Variants in ZCCHC8 observed in about 807,000 individuals in gnomAD.
ZCCHC8 encodes zinc finger CCHC-type containing 8.
ZCCHC8 carries 27 observed loss-of-function variants against 70.6 expected under a neutral mutation model. That is an observed-to-expected ratio of 0.38 (90% CI 0.28 to 0.53). ZCCHC8 has a LOEUF of 0.53. ZCCHC8 is among the 20% of genes least tolerant of loss of function. The probability of loss-of-function intolerance (pLI) is 0.81; values close to 1 mark genes in which losing one functional copy is unlikely to be tolerated. For synonymous variants in ZCCHC8, 293 were observed against 317.4 expected, an observed-to-expected ratio of 0.92 and a Z score of 0.82; for missense variants, 737 against 876.9, an observed-to-expected ratio of 0.84 and a Z score of 2.01.
At chr12:122,482,486 C>T in intron 8 of ZCCHC8, 149 bp downstream of exon 8, 1 of 502,036 alleles carries the variant, frequency 2.0e-6, no homozygotes, top group South Asian at 5.4e-5. Flanking sequence ...AATATGAACA[C>T]AAATTTGAAA....
intron 13 of ZCCHC8, among the ~76,000 whole-genome samples, chr12:122,474,908 T>C (rs959806849): frequency 6.6e-6 from 1 of 152,052 alleles, no homozygotes; most frequent in African/African-American, 2.4e-5. Flanking sequence ...CAAATTTTTG[T>C]ATTTTTAGTA....
intron 11 of ZCCHC8, among the ~76,000 whole-genome samples, chr12:122,479,885 G>A (rs1957496585): frequency 6.6e-6 from 1 of 152,166 alleles, no homozygotes; most frequent in African/African-American, 2.4e-5. Context: ...ACAGGGTCTA[G>A]TGTGATCTCA....
chr12:122,485,670 T>C (rs543484157), intron 5 of ZCCHC8, among the ~76,000 whole-genome samples: 18 of 148,780 alleles, frequency 1.2e-4, no homozygotes, highest in Non-Finnish European at 2.1e-4. Context: ...TATGACGACA[T>C]CCTTTTTTTT....
intron 10 of ZCCHC8, chr12:122,480,955 T>C (rs976091688): frequency 6.6e-6 from 1 of 152,352 alleles, no homozygotes; most frequent in African/African-American, 2.4e-5. Context: ...GATTTTGCCA[T>C]GTCAGCTCAT....
intron 2 of ZCCHC8, among the ~76,000 whole-genome samples, chr12:122,495,470 AAC>A (rs1337680128): frequency 2.6e-5 from 4 of 152,210 alleles, no homozygotes; most frequent in Non-Finnish European, 5.9e-5. Flanking sequence ...CAGCCTGGGC[AAC>A]AGAGTGAGAC....
At chr12:122,481,872 C>A (rs756730899) in intron 9 of ZCCHC8, 73 bp downstream of exon 9, 31 of 1,533,090 alleles carry the variant, frequency 2.0e-5, no homozygotes, top group Non-Finnish European at 2.5e-5. Context: ...TGATAATTAG[C>A]CCAAAGAGAC....
Position 122,500,696 on chromosome 12 carries a change from GCTCCGCGTCGCCGACCCCATTTTCGTC to G in ZCCHC8, c.118_144del (p.Asp40_Glu48del). 1 of 1,581,452 alleles carries G rather than the reference GCTCCGCGTCGCCGACCCCATTTTCGTC, an allele frequency of 6.3e-7. No homozygotes were observed. The highest frequency in any genetic ancestry group is 8.6e-7 in the Non-Finnish European group (1 of 1,164,366). On this transcript the variant is annotated inframe_deletion, in exon 1 of 14. Coordinates refer to ENST00000633063, the MANE Select transcript of ZCCHC8 (RefSeq NM_017612.5). The surrounding 1 kb of genome is among the most constrained non-coding windows in gnomAD (Gnocchi z 4.8). ...TCGCACTGCCGAAGCCGCTCCCGTA[GCTCCGCGTCGCCGACCCCATTTTCGTC>G]CTCCTCGTCGCCGTCGTCGTCCTTG...
chr12:122,499,850 G>C (rs1957890909), intron 1 of ZCCHC8: 1 of 151,830 alleles, frequency 6.6e-6, no homozygotes, highest in Non-Finnish European at 1.5e-5. Context: ...CCCCGACCCC[G>C]TCCCCCTAAA....
chr12:122,478,460 A>T (rs1438573008), intron 11 of ZCCHC8, 168 bp from the exon 12 acceptor site: 3 of 599,680 alleles, frequency 5.0e-6, no homozygotes, highest in Non-Finnish European at 8.8e-6. Context: ...AAGGAAAACT[A>T]AACTTGCCTG....
chr12:122,485,643 T>C (rs1957619499), intron 5 of ZCCHC8, among the ~76,000 whole-genome samples: 1 of 151,676 alleles, frequency 6.6e-6, no homozygotes, highest in African/African-American at 2.4e-5. Context: ...TCCTCTAGTC[T>C]TCCCCATCAG....
rs764875965 is a variant in ZCCHC8 at position 122,500,736 on chromosome 12, G to A, written c.105C>T (p.Asp35=). 1.3e-6 allele frequency: 2 copies of A among 1,584,208 alleles called. No homozygotes were observed. The highest frequency in any genetic ancestry group is 1.7e-6 in the Non-Finnish European group (2 of 1,165,726). Residue 35 remains aspartate, a synonymous_variant, in exon 1 of 14, where the codon GAC becomes GAT. Transcript: ENST00000633063. The surrounding 1 kb of genome is among the most constrained non-coding windows in gnomAD (Gnocchi z 4.8). ...CCCCATTTTCGTCCTCCTCGTCGCC[G>A]TCGTCGTCCTTGAAGCGAGTGTGAA... is the stretch of plus-strand genomic sequence containing the variant. ...KPVHTRFKDD[D]GDEEDENGVG...
Sources: allele counts gnomAD v4.1 joint callset (sites outside exome capture counted in the v4.1 genomes callset), GRCh38; gene constraint gnomAD v4.1.1; non-coding constraint Gnocchi (gnomAD v3.1); transcripts MANE v1.5; gene names NCBI Gene and HGNC (gene_info 2026-07-23, HGNC 2026-07-21).